SAMHD1: variants seen among roughly 807,000 people sequenced by gnomAD.
The protein encoded by SAMHD1 is deoxynucleoside triphosphate triphosphohydrolase SAMHD1.
In SAMHD1, 54 loss-of-function variants were observed where a neutral mutation model predicts 79.6. That is an observed-to-expected ratio of 0.68 (90% confidence interval 0.55 to 0.85). The LOEUF is 0.85. Ranked by LOEUF, SAMHD1 falls within the 40% of genes least tolerant of loss-of-function variation. The pLI is 0.00. For synonymous variants in SAMHD1, 260 were observed against 264.1 expected, an observed-to-expected ratio of 0.98 and a Z score of 0.15; for missense variants, 663 against 782.7, an observed-to-expected ratio of 0.85 and a Z score of 1.82.
chr20:36,918,051 TC>T (rs1196409652), intron 7 of SAMHD1, among the ~76,000 whole-genome samples: 17 of 151,956 alleles, frequency 1.1e-4, no homozygotes, highest in Non-Finnish European at 5.9e-5. Context: ...AGGATCTAGC[TC>T]TGTTGCCCAG....
intron 15 of SAMHD1, among the ~76,000 whole-genome samples, chr20:36,894,621 G>C (rs541038078): frequency 2.6e-4 from 40 of 151,744 alleles, no homozygotes; most frequent in African/African-American, 9.7e-4. Flanking sequence ...ACAAAAATTA[G>C]CCGGGCATGG....
At chr20:36,923,182 T>C (rs956264071) in intron 6 of SAMHD1, among the ~76,000 whole-genome samples, 4 of 151,162 alleles carry the variant, frequency 2.6e-5, no homozygotes, top group Non-Finnish European at 5.9e-5. Context: ...TTTGTATTTT[T>C]AGTAGAGACG....
At chr20:36,935,508 C>A in intron 3 of SAMHD1, 1 of 358,120 alleles carries the variant, frequency 2.8e-6, no homozygotes, top group Non-Finnish European at 5.3e-6. Flanking sequence ...CATGCATATT[C>A]ATTTCGATTT....
chr20:36,901,230 T>C (rs1305449581), intron 13 of SAMHD1, among the ~76,000 whole-genome samples: 1 of 151,988 alleles, frequency 6.6e-6, no homozygotes. Context: ...AGTGGTGCGA[T>C]CTCAGCTCAC....
At chr20:36,932,195 G>A (rs193280872) in intron 4 of SAMHD1, among the ~76,000 whole-genome samples, 10 of 151,912 alleles carry the variant, frequency 6.6e-5, no homozygotes, top group Admixed American at 6.6e-4. Flanking sequence ...TTGGAAGGCT[G>A]AGGCAGCTAC....
intron 6 of SAMHD1, among the ~76,000 whole-genome samples, chr20:36,923,953 A>T (rs567451817): frequency 6.6e-5 from 10 of 152,282 alleles, no homozygotes; most frequent in Admixed American, 2.0e-4. Context: ...TCAAGTTTTT[A>T]AACAAAAAAG....
intron 11 of SAMHD1, 146 bp from the exon 12 acceptor site, chr20:36,905,649 A>C: frequency 1.3e-6 from 1 of 771,770 alleles, no homozygotes; most frequent in Non-Finnish European, 2.1e-6. Flanking sequence ...AAAATTTTTA[A>C]AAGATTTAAG....
intron 4 of SAMHD1, among the ~76,000 whole-genome samples, chr20:36,931,582 A>G (rs2063568134): frequency 6.6e-6 from 1 of 152,064 alleles, no homozygotes; most frequent in Admixed American, 6.6e-5. Flanking sequence ...GGTTGCAGTG[A>G]GCCGAGATCT....
intron 13 of SAMHD1, among the ~76,000 whole-genome samples, chr20:36,900,714 G>A (rs1413576755): frequency 6.6e-6 from 1 of 151,458 alleles, no homozygotes; most frequent in Non-Finnish European, 1.5e-5. Context: ...TGACAGGTGT[G>A]TGCCATCATG....
Position 36,892,668 on chromosome 20 carries a change from T to A in SAMHD1, c.*264A>T. The A allele has an allele frequency of 2.0e-6, 1 of 511,744 alleles. No individual in the cohort carries two copies. The highest frequency in any genetic ancestry group is 3.2e-5 in the Admixed American group (1 of 31,086). 31.7% of individuals were successfully genotyped at this position (511,744 alleles called of 1,614,324 possible). A position where few individuals can be genotyped will look rare whatever the true frequency, so the allele number is the denominator to read the frequency against. ...ATAGAGTTCAGAATAGATAAAAGAG[T>A]TGTTATTCTAAGAAAATAGACTACT... On this transcript the variant is annotated 3_prime_UTR_variant, in exon 16 of 16. Coordinates refer to ENST00000646673, the MANE Select transcript of SAMHD1 (RefSeq NM_015474.4).
chr20:36,912,637 A>T, intron 9 of SAMHD1, 85 bp from the exon 10 acceptor site: 2 of 955,754 alleles, frequency 2.1e-6, no homozygotes, highest in South Asian at 2.7e-5. Context: ...AGGAAGGAAA[A>T]GGGATAGTGG....
intron 12 of SAMHD1, chr20:36,904,674 G>T (rs533624933): frequency 1.2e-4 from 28 of 236,570 alleles, no homozygotes; most frequent in African/African-American, 6.4e-4. Flanking sequence ...CTGAGATCGC[G>T]CCACTGCACT....
Position 36,898,463 on chromosome 20 carries a change from C to A in SAMHD1, c.1585G>T (p.Ala529Ser). The change falls in exon 14 of 16, where the codon GCA becomes TCA. Residue 529 changes from alanine to serine, a missense_variant. Transcript: ENST00000646673. ...SFYCKTAPNR[A>S]IRITKNQVSQ... ...ACCTGGTTTTTAGTAATCCTGATTG[C>A]TCTGTTGGGGGCAGTCTTACAATAG... The A allele has an allele frequency of 6.2e-7, 1 of 1,613,676 alleles. No homozygotes were observed.
At chr20:36,894,689 C>T (rs1990165425) in intron 15 of SAMHD1, among the ~76,000 whole-genome samples, 2 of 151,666 alleles carry the variant, frequency 1.3e-5, no homozygotes, top group South Asian at 4.2e-4. Context: ...ATCACTTCAA[C>T]CCGGGAGGTG....
intron 2 of SAMHD1, among the ~76,000 whole-genome samples, chr20:36,942,403 A>G (rs2063652106): frequency 6.6e-6 from 1 of 152,148 alleles, no homozygotes. Flanking sequence ...GGGCAACAAG[A>G]GCAAAACTCC....
rs147547984 is a variant in SAMHD1, at chr20:36,912,344, A to G, written c.1154+117T>C. ...TTTTTCTTTAAGGAAACCATTTTCA[A>G]TTTAATCACTTAATATTCACTTGAA... On this transcript the variant is annotated intron_variant, in intron 10 of 15. Coordinates refer to ENST00000646673, the MANE Select transcript of SAMHD1 (RefSeq NM_015474.4). The G allele has an allele frequency of 1.5e-3, 1,085 of 700,086 alleles. 8 individuals carry two copies. In the African/African-American group the frequency reaches 0.017, roughly 11 times the overall value. 43.4% of individuals were successfully genotyped at this position (700,086 alleles called of 1,614,324 possible). A position where few individuals can be genotyped will look rare whatever the true frequency, so the allele number is the denominator to read the frequency against.
chr20:36,912,906 T>G (rs2063453453), intron 9 of SAMHD1, among the ~76,000 whole-genome samples: 1 of 138,922 alleles, frequency 7.2e-6, no homozygotes, highest in Non-Finnish European at 1.5e-5. Flanking sequence ...TTTTTTTTTT[T>G]TTTTTTTTTG....
At chr20:36,948,572 A>T (rs2063710452) in intron 1 of SAMHD1, among the ~76,000 whole-genome samples, 1 of 151,882 alleles carries the variant, frequency 6.6e-6, no homozygotes, top group African/African-American at 2.4e-5. Context: ...TTTATTAGAA[A>T]GAAAGACTAT....
chr20:36,935,314 G>A, intron 3 of SAMHD1, 125 bp from the exon 4 acceptor site: 2 of 761,432 alleles, frequency 2.6e-6, no homozygotes, highest in Non-Finnish European at 4.5e-6. Context: ...AATACTAACG[G>A]AAATGACAAG....
Sources: gnomAD v4.1 joint callset for allele counts (sites outside exome capture counted in the v4.1 genomes callset) on GRCh38, gnomAD v4.1.1 for gene constraint, MANE v1.5 for transcripts, NCBI Gene and HGNC (gene_info 2026-07-23, HGNC 2026-07-21) for gene names.